BRD3: variants seen among roughly 807,000 people sequenced by gnomAD.
The protein encoded by BRD3 is bromodomain containing 3.
In BRD3, 17 loss-of-function variants were observed where a neutral mutation model predicts 66.8. The observed-to-expected ratio is 0.25, with a 90% CI of 0.17 to 0.38. The LOEUF (loss-of-function observed/expected upper bound fraction) is 0.38, where lower values mean the gene tolerates loss of function less well. BRD3 is among the 10% of genes least tolerant of loss of function. The pLI is 1.00. For missense variants in BRD3, 713 were observed against 956.1 expected (o/e 0.75, Z 3.35); for synonymous variants, 421 against 393.2 (o/e 1.07, Z -0.84).
Position 134,048,356 on chromosome 9 carries a change from C to T in BRD3, c.813G>A (p.Lys271=), listed in dbSNP as rs1224356536. 1.3e-6 allele frequency: 2 copies of T among 1,599,308 alleles called. No individual in the cohort carries two copies. Among genetic ancestry groups the T allele is most frequent in the Admixed American group, 1.7e-5 (1 of 60,020 alleles). Residue 271 remains lysine (K), a synonymous_variant, in exon 6 of 12, where the codon AAG becomes AAA. Coordinates refer to ENST00000303407, the MANE Select transcript of BRD3 (RefSeq NM_007371.4). ...SESPPPLSDP[K]QAKVVARRES... ...CCCGCCGGGCCACCACTTTGGCCTG[C>T]TTGGGGTCTGACAACGGCGGGGGCG...
chr9:134,059,199 A>G (rs1476099430), intron 1 of BRD3, among the ~76,000 whole-genome samples: 1 of 152,220 alleles, frequency 6.6e-6, no homozygotes, highest in Non-Finnish European at 1.5e-5. Context: ...GCCAGCCCAG[A>G]GCTGCCCCCG....
At chr9:134,038,478 T>C (rs1041374675) in intron 9 of BRD3, among the ~76,000 whole-genome samples, 18 of 152,116 alleles carry the variant, frequency 1.2e-4, no homozygotes, top group African/African-American at 4.1e-4. Context: ...TGTAAAGAGA[T>C]TGAGACCACT....
intron 1 of BRD3, among the ~76,000 whole-genome samples, chr9:134,060,140 G>A (rs1345193289): frequency 6.6e-6 from 1 of 152,216 alleles, no homozygotes; most frequent in Non-Finnish European, 1.5e-5. Flanking sequence ...AGAGACAGAG[G>A]CAGAGGCCAC....
chr9:134,040,086 G>A lies in BRD3; in HGVS notation c.1591C>T (p.Gln531Ter), dbSNP rs2132392817. 6.3e-7 allele frequency: 1 copy of A among 1,589,090 alleles called. No individual in the cohort carries two copies. The highest frequency in any genetic ancestry group is 8.6e-7 in the Non-Finnish European group (1 of 1,168,856). Residue 531 changes from glutamine to a stop codon, truncating the protein, a stop_gained, in exon 9 of 12, where the codon CAG (glutamine) becomes TAG (stop). Coordinates refer to ENST00000303407, the MANE Select transcript of BRD3 (RefSeq NM_007371.4). LOFTEE classifies it high-confidence loss of function. ...AKVAPPAKQAQQKKAPAKKAN... is the reference protein window; with the variant it reads ...AKVAPPAKQA The stretch of plus-strand genomic sequence containing the variant: ...TTCTTGGCAGGAGCCTTCTTCTGCT[G>A]AGCCTGCTTGGCAGGCGGAGCCACC...
intron 3 of BRD3, among the ~76,000 whole-genome samples, 162 bp from the exon 4 acceptor site, chr9:134,051,871 G>GTTTTTTTTTTTTTTTTTTTTTT (rs1564555774): frequency 9.0e-6 from 1 of 110,506 alleles, no homozygotes; most frequent in African/African-American, 4.3e-5. Context: ...GTGTGTGTGT[G>GTTTTTTTTTTTTTTTTTTTTTT]TGTGTGTTGT....
intron 9 of BRD3, among the ~76,000 whole-genome samples, chr9:134,037,390 G>T (rs1259425415): frequency 6.6e-6 from 1 of 152,118 alleles, no homozygotes; most frequent in Non-Finnish European, 1.5e-5. Flanking sequence ...TGGCCAAATG[G>T]TGAAACCCTG....
At chr9:134,042,646 T>TACAC (rs149487771) in intron 7 of BRD3, among the ~76,000 whole-genome samples, 240 of 134,862 alleles carry the variant, frequency 1.8e-3, no homozygotes, top group Non-Finnish European at 2.4e-3. Context: ...CAAATATATA[T>TACAC]ACACACACAC....
At chr9:134,067,535 G>A (rs991279567) in intron 1 of BRD3, among the ~76,000 whole-genome samples, 1 of 148,116 alleles carries the variant, frequency 6.8e-6, no homozygotes, top group African/African-American at 2.4e-5. Context: ...TTCGAAAGAT[G>A]GCGGGCGGAG....
chr9:134,055,317 G>A (rs922928945), intron 1 of BRD3, among the ~76,000 whole-genome samples: 1 of 152,172 alleles, frequency 6.6e-6, no homozygotes, highest in Non-Finnish European at 1.5e-5. Context: ...GAGTGAAAGC[G>A]AGTCCTGCCC....
At position 134,031,604 on chromosome 9, in the gene BRD3, G is replaced by C. The variant is rs1843513381; in HGVS notation, c.*1986C>G. 9.4e-6 allele frequency: 2 copies of C among 212,100 alleles called. No homozygotes were observed. The highest frequency in any genetic ancestry group is 1.9e-5 in the Non-Finnish European group (2 of 104,844). The allele number at this position is 212,100 out of a possible 1,614,324, so 13.1% of individuals were successfully genotyped here. The stretch of plus-strand genomic sequence containing the variant: ...CAAACTGGCTGAAAACTCACCAAGT[G>C]TCAGACTCACCAGCAATTTAAAAAA... On this transcript the variant is annotated 3_prime_UTR_variant, in exon 12 of 12. Coordinates refer to ENST00000303407, the MANE Select transcript of BRD3 (RefSeq NM_007371.4).
chr9:134,041,710 A>G, intron 8 of BRD3, 50 bp downstream of exon 8: 1 of 1,581,210 alleles, frequency 6.3e-7, no homozygotes, highest in Non-Finnish European at 8.6e-7. Context: ...CTGCTGTGCC[A>G]GCAATCCCGC....
intron 9 of BRD3, among the ~76,000 whole-genome samples, chr9:134,037,626 T>A (rs1829954379): frequency 6.6e-6 from 1 of 152,046 alleles, no homozygotes; most frequent in Non-Finnish European, 1.5e-5. Flanking sequence ...TAATCTAATC[T>A]TCTACCTTAA....
rs201977681 is a variant in BRD3 at position 134,050,549 on chromosome 9, G to A, written c.539C>T (p.Ala180Val). ...QVAAVSSVSP[A>V]TPFQSVPPTV... ...GGGGGGCACGCTCTGAAAGGGGGTC[G>A]CTGGGGAGACAGAGGACACGGCCGC... is the stretch of plus-strand genomic sequence containing the variant. The change falls in exon 5 of 12, where the codon GCG becomes GTG. Residue 180 changes from alanine to valine, a missense_variant. Coordinates refer to ENST00000303407, the MANE Select transcript of BRD3 (RefSeq NM_007371.4). 43 of 1,605,012 alleles carry A rather than the reference G, an allele frequency of 2.7e-5. No individual in the cohort carries two copies. The highest frequency in any genetic ancestry group is 1.6e-4 in the East Asian group (7 of 44,850).
At chr9:134,039,917 AC>A in intron 9 of BRD3, 116 bp downstream of exon 9, 1 of 1,466,582 alleles carries the variant, frequency 6.8e-7, no homozygotes, top group Non-Finnish European at 8.9e-7. Context: ...TGCCCCCATC[AC>A]CCTGGTTTCC....
chr9:134,067,426 G>A (rs1830686437), intron 1 of BRD3, among the ~76,000 whole-genome samples: 1 of 150,166 alleles, frequency 6.7e-6, no homozygotes, highest in African/African-American at 2.4e-5. Flanking sequence ...AGCGAGGCCG[G>A]CGGAACAGGC....
At chr9:134,066,206 ACCGGGCCTCT>A (rs1395283661) in intron 1 of BRD3, among the ~76,000 whole-genome samples, 1 of 152,062 alleles carries the variant, frequency 6.6e-6, no homozygotes, top group East Asian at 1.9e-4. Context: ...CTGCTGAGGC[ACCGGGCCTCT>A]GAGGCTACCC....
chr9:134,032,187 A>C lies in BRD3; in HGVS notation c.*1403T>G. On this transcript the variant is annotated 3_prime_UTR_variant, in exon 12 of 12. Coordinates refer to ENST00000303407, the MANE Select transcript of BRD3 (RefSeq NM_007371.4). ...GCCTCTGGGAAAACAAAACCAAAACATCACCTTCTATTAAACTCTGTATAT... is the reference window on the plus strand; with the variant it reads ...GCCTCTGGGAAAACAAAACCAAAACCTCACCTTCTATTAAACTCTGTATAT... 1 of 214,612 alleles carries C rather than the reference A, an allele frequency of 4.7e-6. No individual in the cohort carries two copies. Among genetic ancestry groups the C allele is most frequent in the Non-Finnish European group, 9.4e-6 (1 of 106,324 alleles). The allele number at this position is 214,612 out of a possible 1,614,324, so 13.3% of individuals were successfully genotyped here. A position where few individuals can be genotyped will look rare whatever the true frequency, so the allele number is the denominator to read the frequency against.
intron 1 of BRD3, among the ~76,000 whole-genome samples, chr9:134,064,265 C>T (rs1178678443): frequency 6.6e-6 from 1 of 152,212 alleles, no homozygotes; most frequent in Non-Finnish European, 1.5e-5. Context: ...TGGTGGCTCA[C>T]ACCTGTAATC....
At chr9:134,047,363 T>C (rs1234230767) in intron 6 of BRD3, among the ~76,000 whole-genome samples, 1 of 152,040 alleles carries the variant, frequency 6.6e-6, no homozygotes, top group Non-Finnish European at 1.5e-5. Flanking sequence ...CTTGGAGCTC[T>C]CCCAGAGGGA....
Sources: gnomAD v4.1 joint callset for allele counts (sites outside exome capture counted in the v4.1 genomes callset) on GRCh38, gnomAD v4.1.1 for gene constraint, MANE v1.5 for transcripts, NCBI Gene and HGNC (gene_info 2026-07-23, HGNC 2026-07-21) for gene names.